Variants in C14orf39 observed in about 807,000 individuals in gnomAD.
The protein encoded by C14orf39 is chromosome 14 open reading frame 39.
Under a neutral mutation model 85.6 loss-of-function variants are expected in C14orf39, and 66 were observed. The observed-to-expected ratio is 0.77, with a 90% confidence interval of 0.63 to 0.95. C14orf39 has a LOEUF of 0.95. Among genes scored for constraint, C14orf39 ranks in the 40% least tolerant of loss-of-function variants. The pLI, the probability that C14orf39 is intolerant of heterozygous loss-of-function variation, is 0.00. For missense variants in C14orf39, 735 were observed against 663.9 expected (o/e 1.11, Z -1.18); for synonymous variants, 242 against 214.0 (o/e 1.13, Z -1.14).
intron 16 of C14orf39, among the ~76,000 whole-genome samples, chr14:60,443,122 A>T (rs1890601429): frequency 6.6e-6 from 1 of 152,076 alleles, no homozygotes; most frequent in Non-Finnish European, 1.5e-5. Context: ...AAGACAGGTG[A>T]TCTCTGCATT....
chr14:60,455,201 T>C, intron 15 of C14orf39, 56 bp from the exon 16 acceptor site: 6 of 1,281,590 alleles, frequency 4.7e-6, no homozygotes, highest in Non-Finnish European at 6.4e-6. Context: ...CACTGAATAC[T>C]GGTAAGCATC....
intron 16 of C14orf39, among the ~76,000 whole-genome samples, chr14:60,451,921 GC>G (rs1891054325): frequency 6.6e-6 from 1 of 151,852 alleles, no homozygotes. Flanking sequence ...GGTGGCTCAC[GC>G]CTGTAATCCC....
intron 17 of C14orf39, among the ~76,000 whole-genome samples, chr14:60,439,742 C>T (rs1055420686): frequency 3.9e-5 from 6 of 152,150 alleles, no homozygotes; most frequent in Admixed American, 3.3e-4. Flanking sequence ...TTTGAAAACA[C>T]TGAAGTGAAT....
intron 5 of C14orf39, among the ~76,000 whole-genome samples, chr14:60,472,242 T>C (rs1207783256): frequency 8.6e-4 from 3 of 3,494 alleles, no homozygotes; most frequent in Non-Finnish European, 2.3e-3. Flanking sequence ...ATTAGAACTC[T>C]TGTGTTCACC....
intron 7 of C14orf39, among the ~76,000 whole-genome samples, chr14:60,470,694 G>A (rs1177377002): frequency 6.6e-6 from 1 of 151,866 alleles, no homozygotes; most frequent in African/African-American, 2.4e-5. Flanking sequence ...CCAAAACATG[G>A]AAAAAGCTAG....
intron 5 of C14orf39, among the ~76,000 whole-genome samples, chr14:60,477,554 T>C (rs1566677854): frequency 6.6e-6 from 1 of 152,202 alleles, no homozygotes; most frequent in Non-Finnish European, 1.5e-5. Flanking sequence ...AATAAATTCA[T>C]ACAATTATTG....
upstream of C14orf39, among the ~76,000 whole-genome samples, chr14:60,488,532 A>C (rs1421125627): frequency 1.3e-5 from 2 of 152,164 alleles, no homozygotes; most frequent in Non-Finnish European, 2.9e-5. Flanking sequence ...CCACAAGATA[A>C]AATTTTCCTT....
intron 4 of C14orf39, among the ~76,000 whole-genome samples, chr14:60,481,658 A>G (rs967536905): frequency 1.3e-5 from 2 of 152,208 alleles, no homozygotes; most frequent in African/African-American, 2.4e-5. Flanking sequence ...ACTCAGAGGC[A>G]AAAATAATAG....
At chr14:60,452,792 A>G (rs2140059772) in intron 16 of C14orf39, among the ~76,000 whole-genome samples, 1 of 144,046 alleles carries the variant, frequency 6.9e-6, no homozygotes, top group Admixed American at 6.7e-5. Context: ...ATGCACCCAT[A>G]AAAATTAAAA....
chr14:60,438,993 C>A (rs1354725759), intron 17 of C14orf39, among the ~76,000 whole-genome samples: 2 of 152,202 alleles, frequency 1.3e-5, no homozygotes, highest in East Asian at 3.9e-4. Context: ...AGAATAAGTT[C>A]TAGAGTAGTA....
chr14:60,507,685 A>T (rs1893223745), intron 1 of C14orf39, among the ~76,000 whole-genome samples: 1 of 152,064 alleles, frequency 6.6e-6, no homozygotes, highest in Non-Finnish European at 1.5e-5. Flanking sequence ...ATCTGACCCG[A>T]CACCTCCAAC....
chr14:60,449,071 G>T (rs1455171099), intron 16 of C14orf39, among the ~76,000 whole-genome samples: 1 of 152,098 alleles, frequency 6.6e-6, no homozygotes, highest in Non-Finnish European at 1.5e-5. Context: ...AGCATTAGGA[G>T]AAATACCCAA....
intron 17 of C14orf39, 36 bp from the exon 18 acceptor site, chr14:60,437,083 A>G: frequency 7.1e-7 from 1 of 1,408,282 alleles, no homozygotes; most frequent in Non-Finnish European, 9.7e-7. Context: ...CATGCTCTTC[A>G]TATTATATAA....
rs745536557 is a variant in C14orf39 at position 60,461,388 on chromosome 14, T to C, written c.1083A>G (p.Ser361=). 5 of 1,610,952 alleles carry C rather than the reference T, an allele frequency of 3.1e-6. No homozygotes were observed. The South Asian group carries it at 5.5e-5, about 18-fold the overall frequency. The change falls in exon 13 of 18, where the codon TCA becomes TCG. Residue 361 remains serine, a synonymous_variant. Transcript: ENST00000321731. ...CTTTTTCCGACCACTGATTGGAATT[T>C]GATTGTTTCTGTGGGGTTAACAATC... The part of the protein sequence containing the change: ...QVRLLTPQKQ[S]NSNQWSEKGD...
At chr14:60,492,490 C>T (rs905185691) in intron 2 of C14orf39, among the ~76,000 whole-genome samples, 19 of 151,786 alleles carry the variant, frequency 1.3e-4, no homozygotes, top group African/African-American at 4.4e-4. Flanking sequence ...AAATGAAGTA[C>T]GGGCCCGGCG....
At chr14:60,481,767 T>G (rs1892650456) in intron 4 of C14orf39, among the ~76,000 whole-genome samples, 1 of 152,208 alleles carries the variant, frequency 6.6e-6, no homozygotes, top group Admixed American at 6.5e-5. Flanking sequence ...ATTTTGGTAT[T>G]TACCCGTTTA....
chr14:60,443,386 G>T (rs866300617), intron 16 of C14orf39, among the ~76,000 whole-genome samples: 2 of 152,172 alleles, frequency 1.3e-5, no homozygotes, highest in Non-Finnish European at 2.9e-5. Flanking sequence ...TGCCTGGCTC[G>T]GTGAGTGCCA....
chr14:60,456,318 T>C (rs1315335580), intron 15 of C14orf39, among the ~76,000 whole-genome samples: 2 of 151,976 alleles, frequency 1.3e-5, no homozygotes, highest in Non-Finnish European at 1.5e-5. Flanking sequence ...TTAATAAAAA[T>C]GGCAAGTCTT....
rs1203651247 is a variant in C14orf39, at chr14:60,456,822, T to C, written c.1358+95A>G. ...GTCTGAAATACTACATAATAAAAAC[T>C]TGTTAAAGGTACTAAGCATTTTACT... On this transcript the variant is annotated intron_variant, in intron 15 of 17. Coordinates refer to ENST00000321731, the MANE Select transcript of C14orf39 (RefSeq NM_174978.3). 6 of 1,072,440 alleles carry C rather than the reference T, an allele frequency of 5.6e-6. No individual in the cohort carries two copies. In the African/African-American group the frequency reaches 9.9e-5, roughly 18 times the overall value. The allele number at this position is 1,072,440 out of a possible 1,614,324, so 66.4% of individuals were successfully genotyped here. A position where few individuals can be genotyped will look rare whatever the true frequency, so the allele number is the denominator to read the frequency against.
Sources: allele counts gnomAD v4.1 joint callset (sites outside exome capture counted in the v4.1 genomes callset), GRCh38; gene constraint gnomAD v4.1.1; transcripts MANE v1.5; gene names NCBI Gene and HGNC (gene_info 2026-07-23, HGNC 2026-07-21).